NAV2: variants seen among roughly 807,000 people sequenced by gnomAD.
NAV2 encodes the protein helicase, APC down-regulated 1.
NAV2 carries 54 observed loss-of-function variants against 223.2 expected under a neutral mutation model. The observed-to-expected ratio is 0.24, with a 90% CI of 0.19 to 0.30. The LOEUF (loss-of-function observed/expected upper bound fraction) is 0.30, where lower values mean the gene tolerates loss of function less well. Ranked by LOEUF, NAV2 falls within the 10% of genes least tolerant of loss-of-function variation. The pLI, the probability that NAV2 is intolerant of heterozygous loss-of-function variation, is 1.00. For synonymous variants in NAV2, 1,279 were observed against 1,239.3 expected, an observed-to-expected ratio of 1.03 and a Z score of -0.67; for missense variants, 2,806 against 3,147.5, an observed-to-expected ratio of 0.89 and a Z score of 2.60.
At chr11:20,024,308 C>T (rs1467921656) in intron 11 of NAV2, among the ~76,000 whole-genome samples, 9 of 152,088 alleles carry the variant, frequency 5.9e-5, no homozygotes, top group Non-Finnish European at 1.2e-4. Context: ...CTTGAGGCTC[C>T]GGGGCTGCTG....
At chr11:20,075,455 A>G (rs1357433493) in intron 22 of NAV2, among the ~76,000 whole-genome samples, 1 of 151,796 alleles carries the variant, frequency 6.6e-6, no homozygotes, top group Non-Finnish European at 1.5e-5. Flanking sequence ...GTTAGCCAGG[A>G]TAGTCTCGAT....
At chr11:19,560,775 G>A (rs2045066784) in intron 1 of NAV2, among the ~76,000 whole-genome samples, 1 of 152,218 alleles carries the variant, frequency 6.6e-6, no homozygotes. Context: ...AGGAACTACA[G>A]CTATACTGGG....
intron 10 of NAV2, among the ~76,000 whole-genome samples, chr11:19,973,883 C>G (rs1311872291): frequency 3.9e-5 from 6 of 152,196 alleles, no homozygotes; most frequent in Admixed American, 1.3e-4. Context: ...TGCCACTTGC[C>G]AGCCATCTGA....
chr11:19,462,020 G>A (rs937958926), intron 1 of NAV2, among the ~76,000 whole-genome samples: 1 of 152,114 alleles, frequency 6.6e-6, no homozygotes, highest in Non-Finnish European at 1.5e-5. Flanking sequence ...TGTTGGCCAG[G>A]CTGGTCTCGA....
At chr11:19,850,508 A>G (rs1327255171) in intron 3 of NAV2, among the ~76,000 whole-genome samples, 3 of 152,156 alleles carry the variant, frequency 2.0e-5, no homozygotes, top group Admixed American at 6.5e-5. Context: ...CTAACATACC[A>G]TTATTCTGAT....
At position 20,090,962 on chromosome 11, in the gene NAV2, G is replaced by T. The variant is rs764178291; in HGVS notation, c.5596G>T (p.Ala1866Ser). The change falls in exon 27 of 38, where the codon GCT becomes TCT. Residue 1866 changes from alanine to serine, a missense_variant. Transcript: ENST00000349880. The stretch of plus-strand genomic sequence containing the variant: ...GAAGCTGACGGATATCCGCTTAGAA[G>T]CTCTCAGTTCTGCCCACCAGCTGGA... Reference protein sequence around the residue: ...EMKLTDIRLEALSSAHQLDQL... With the variant: ...EMKLTDIRLESLSSAHQLDQL... 1.8e-5 allele frequency: 29 copies of T among 1,613,810 alleles called. No individual in the cohort carries two copies. The highest frequency in any genetic ancestry group is 2.3e-5 in the Non-Finnish European group (27 of 1,179,890).
intron 1 of NAV2, among the ~76,000 whole-genome samples, chr11:19,366,106 G>T (rs1051759222): frequency 1.3e-5 from 2 of 152,234 alleles, no homozygotes; most frequent in African/African-American, 4.8e-5. Context: ...CCACTAAAAA[G>T]AGCCCCACCT....
intron 1 of NAV2, among the ~76,000 whole-genome samples, chr11:19,388,704 G>T (rs949817806): frequency 4.6e-5 from 7 of 152,118 alleles, no homozygotes; most frequent in African/African-American, 1.7e-4. Context: ...GGTACGCTGG[G>T]CAAGATAATA....
intron 3 of NAV2, among the ~76,000 whole-genome samples, chr11:19,855,803 G>A (rs1356322004): frequency 1.3e-5 from 2 of 152,210 alleles, no homozygotes; most frequent in Non-Finnish European, 1.5e-5. Context: ...CCTTTGGATA[G>A]GGTGTTTCTT....
At chr11:19,838,131 T>C (rs553309774) in intron 2 of NAV2, among the ~76,000 whole-genome samples, 1 of 152,170 alleles carries the variant, frequency 6.6e-6, no homozygotes, top group Non-Finnish European at 1.5e-5. Flanking sequence ...TTTGAAGTTG[T>C]ATCAAAATGA....
At chr11:19,925,747 CAA>C (rs748662441) in intron 6 of NAV2, among the ~76,000 whole-genome samples, 2,818 of 95,664 alleles carry the variant, frequency 0.029, 79 homozygotes, top group African/African-American at 0.096. Context: ...GATTCTGTCT[CAA>C]AAAAAAAAAA....
intron 1 of NAV2, among the ~76,000 whole-genome samples, chr11:19,414,635 A>G (rs1590160141): frequency 6.6e-6 from 1 of 152,220 alleles, no homozygotes. Flanking sequence ...AAATCAACAG[A>G]ATATACCATC....
intron 1 of NAV2, among the ~76,000 whole-genome samples, chr11:19,759,514 C>G (rs758316909): frequency 6.6e-6 from 1 of 152,082 alleles, no homozygotes; most frequent in Non-Finnish European, 1.5e-5. Context: ...GGGAAAAAAA[C>G]AAAAACCAAA....
At chr11:19,743,623 G>C (rs543192023) in intron 1 of NAV2, among the ~76,000 whole-genome samples, 1 of 152,254 alleles carries the variant, frequency 6.6e-6, no homozygotes, top group Non-Finnish European at 1.5e-5. Context: ...ACAAGATGCA[G>C]AATTCCAAGG....
Position 20,048,734 on chromosome 11 carries a change from T to C in NAV2, c.3909T>C (p.Phe1303=), listed in dbSNP as rs377183766. Residue 1303 remains phenylalanine (F), a synonymous_variant, in exon 15 of 38, where the codon TTT becomes TTC. Transcript: ENST00000349880. ...ACCCTTTGTCTCTTCACAGACTCTT[T>C]GGTGGGAAGCCTACCAAGCAAGTGC... The part of the protein sequence containing the change: ...DVASPTLRRL[F]GGKPTKQVPI... 2 of 1,613,808 alleles carry C rather than the reference T, an allele frequency of 1.2e-6. No homozygotes were observed. The highest frequency in any genetic ancestry group is 1.7e-6 in the Non-Finnish European group (2 of 1,179,838).
intron 1 of NAV2, among the ~76,000 whole-genome samples, chr11:19,482,488 G>A (rs114001077): frequency 6.6e-6 from 1 of 152,202 alleles, no homozygotes. Flanking sequence ...TCAAGCCGGG[G>A]CTGACTCAAT....
chr11:19,484,905 G>A (rs1045056151), intron 1 of NAV2, among the ~76,000 whole-genome samples: 3 of 152,186 alleles, frequency 2.0e-5, no homozygotes, highest in South Asian at 2.1e-4. Context: ...TCTGAGGGAG[G>A]ACCCTGTGTG....
intron 1 of NAV2, among the ~76,000 whole-genome samples, chr11:19,638,654 A>G (rs79695577): frequency 0.017 from 2,578 of 152,284 alleles, 87 homozygotes; most frequent in African/African-American, 0.059. Flanking sequence ...TGAAGAAACT[A>G]AGGTCCTGCA....
At chr11:20,029,948 TGG>T (rs2055540813) in intron 11 of NAV2, among the ~76,000 whole-genome samples, 1 of 152,236 alleles carries the variant, frequency 6.6e-6, no homozygotes, top group African/African-American at 2.4e-5. Flanking sequence ...GATGAATCAA[TGG>T]AAGTATCTTC....
Sources: gnomAD v4.1 joint callset for allele counts (sites outside exome capture counted in the v4.1 genomes callset) on GRCh38, gnomAD v4.1.1 for gene constraint, MANE v1.5 for transcripts, NCBI Gene and HGNC (gene_info 2026-07-23, HGNC 2026-07-21) for gene names.